PCF11: variants seen among roughly 807,000 people sequenced by gnomAD.
The protein encoded by PCF11 is pre-mRNA cleavage complex 2 protein Pcf11.
PCF11 carries 19 observed loss-of-function variants against 166.1 expected under a neutral mutation model. That is an observed-to-expected ratio of 0.11 (90% CI 0.08 to 0.17). The LOEUF is 0.17. Among genes scored for constraint, PCF11 ranks in the 10% least tolerant of loss-of-function variants. The pLI, the probability that PCF11 is intolerant of heterozygous loss-of-function variation, is 1.00. For synonymous variants in PCF11, 663 were observed against 644.1 expected (o/e 1.03, Z -0.44); for missense variants, 1,565 against 1,855.5 (o/e 0.84, Z 2.88).
chr11:83,162,010 C>A (rs906861045), intron 2 of PCF11, among the ~76,000 whole-genome samples: 3 of 152,152 alleles, frequency 2.0e-5, no homozygotes, highest in Admixed American at 6.5e-5. Context: ...GTTGGTTATT[C>A]TGGAAATACT....
At chr11:83,157,201 CTG>C (rs1233195417) in exon 1 of PCF11, 28 of 581,816 alleles carry the variant, frequency 4.8e-5, no homozygotes, top group Middle Eastern at 9.0e-4. Context: ...CATTTTGTGT[CTG>C]TGGAGAAAGA....
exon 8 of PCF11, chr11:83,169,180 C>G (rs376095592): frequency 1.2e-6 from 2 of 1,613,300 alleles, no homozygotes; most frequent in Non-Finnish European, 1.7e-6. Flanking sequence ...CCCTTTGCTA[C>G]AGCAAGGGGT....
At chr11:83,175,554 C>T (rs1172706501) in intron 9 of PCF11, among the ~76,000 whole-genome samples, 1 of 152,106 alleles carries the variant, frequency 6.6e-6, no homozygotes, top group Non-Finnish European at 1.5e-5. Flanking sequence ...AGATCAGGAC[C>T]ATCCTGGCTA....
At chr11:83,170,218 T>C (rs913117831) in intron 8 of PCF11, among the ~76,000 whole-genome samples, 22 of 152,296 alleles carry the variant, frequency 1.4e-4, no homozygotes, top group African/African-American at 5.1e-4. Flanking sequence ...TAGGGAAATA[T>C]CTCAATCAAA....
Position 83,165,395 on chromosome 11 carries a change from A to G in PCF11, c.703-205A>G, listed in dbSNP as rs1424297238. ...ATTATATTATAAAGTCTCAAAAAAT[A>G]CTAGTAAGAAATAATGGGCAACTTA... On this transcript the variant is annotated intron_variant, in intron 4 of 15. Coordinates refer to ENST00000298281, the Ensembl canonical transcript of PCF11. Among the ~76,000 whole-genome samples the G allele has an allele frequency of 3.3e-5, 5 of 152,348 alleles. No individual in the cohort carries two copies. The East Asian group carries it at 9.6e-4, about 29-fold the overall frequency.
Position 83,167,840 on chromosome 11 carries a change from T to G in PCF11, c.2092+335T>G. 6.8e-6 allele frequency: 9 copies of G among 1,318,858 alleles called. No homozygotes were observed. The highest frequency in any genetic ancestry group is 8.9e-6 in the Non-Finnish European group (9 of 1,008,628). The allele number at this position is 1,318,858 out of a possible 1,614,324, so 81.7% of individuals were successfully genotyped here. On this transcript the variant is annotated intron_variant, in intron 7 of 15. Transcript: ENST00000298281. This position sits in a 1 kb window ranked among gnomAD's most constrained non-coding sequence, Gnocchi z 4.2. ...CTATATCTGGGAGTCGTACTTATGC[T>G]GAGAATCTTTCACCCCATGAGGGCC...
chr11:83,172,419 TTTTATTTA>T (rs565457933), intron 9 of PCF11, among the ~76,000 whole-genome samples: 27 of 152,150 alleles, frequency 1.8e-4, no homozygotes, highest in African/African-American at 6.3e-4. Context: ...TGGATTTTAG[TTTTATTTA>T]TTTATTTATT....
chr11:83,185,520 C>CT (rs1861256332), exon 16 of PCF11: 1 of 152,406 alleles, frequency 6.6e-6, no homozygotes, highest in Non-Finnish European at 1.5e-5. Context: ...TTGAAAATAT[C>CT]TAATGATGCA....
At chr11:83,181,506 A>C (rs1305350213) in intron 12 of PCF11, among the ~76,000 whole-genome samples, 2 of 145,692 alleles carry the variant, frequency 1.4e-5, no homozygotes, top group East Asian at 3.9e-4. Context: ...TAAAAAATGA[A>C]TTTTGAAGGG....
intron 8 of PCF11, among the ~76,000 whole-genome samples, chr11:83,170,630 A>G (rs1219911655): frequency 6.6e-6 from 1 of 152,200 alleles, no homozygotes; most frequent in Non-Finnish European, 1.5e-5. Flanking sequence ...ACATTTTAAA[A>G]TGCATACTGA....
intron 11 of PCF11, chr11:83,180,346 A>C (rs1254603336): frequency 6.6e-6 from 1 of 151,468 alleles, no homozygotes; most frequent in African/African-American, 2.4e-5. Context: ...TTGGCCTCCC[A>C]AAGTGCTGGG....
At chr11:83,181,245 T>G in intron 12 of PCF11, 54 bp downstream of exon 12, 1 of 643,592 alleles carries the variant, frequency 1.6e-6, no homozygotes, top group Non-Finnish European at 2.3e-6. Flanking sequence ...TATATCATTC[T>G]AAAAGTATAT....
chr11:83,187,087 G>A (rs1861318425), exon 16 of PCF11: 1 of 152,158 alleles, frequency 6.6e-6, no homozygotes, highest in African/African-American at 2.4e-5. Flanking sequence ...CTGGATCAGT[G>A]CAGTAGCACA....
exon 8 of PCF11, chr11:83,168,632 C>G (rs374700795): frequency 6.2e-7 from 1 of 1,613,762 alleles, no homozygotes; most frequent in South Asian, 1.1e-5. Context: ...GATGGCCCAA[C>G]GAAGATGATT....
chr11:83,176,185 G>A (rs1405642108), intron 9 of PCF11, among the ~76,000 whole-genome samples: 1 of 152,200 alleles, frequency 6.6e-6, no homozygotes, highest in Non-Finnish European at 1.5e-5. Context: ...AGATGGGGTG[G>A]TGCTGCATTG....
chr11:83,158,740 C>T (rs1860108039), intron 1 of PCF11: 1 of 152,198 alleles, frequency 6.6e-6, no homozygotes, highest in African/African-American at 2.4e-5. Context: ...TTTTTAAAGG[C>T]CACTTTAACA....
chr11:83,157,971 C>T (rs1009566915), intron 1 of PCF11: 10 of 232,106 alleles, frequency 4.3e-5, no homozygotes, highest in African/African-American at 1.8e-4. Context: ...TAAGAGTTAA[C>T]ATAAGCCATT....
At chr11:83,181,364 A>G (rs1385738355) in intron 12 of PCF11, among the ~76,000 whole-genome samples, 173 bp downstream of exon 12, 5 of 151,460 alleles carry the variant, frequency 3.3e-5, no homozygotes, top group Non-Finnish European at 5.9e-5. Flanking sequence ...CCCCTAGAAT[A>G]TAAACAGATT....
chr11:83,179,463 T>C (rs1861008110), intron 11 of PCF11, among the ~76,000 whole-genome samples: 1 of 152,084 alleles, frequency 6.6e-6, no homozygotes, highest in African/African-American at 2.4e-5. Flanking sequence ...TTGTCCAGGC[T>C]GTTCTCGAAC....
Sources: allele counts gnomAD v4.1 joint callset (sites outside exome capture counted in the v4.1 genomes callset), GRCh38; gene constraint gnomAD v4.1.1; non-coding constraint Gnocchi (gnomAD v3.1); transcripts MANE v1.5; gene names NCBI Gene and HGNC (gene_info 2026-07-23, HGNC 2026-07-21).